The following EPHA5 variants were observed in gnomAD, a reference collection of about 807,000 sequenced individuals.
EPHA5 encodes the protein EPH receptor A5.
In EPHA5, 60 loss-of-function variants were observed where a neutral mutation model predicts 105.0. The observed-to-expected ratio is 0.57, with a 90% CI of 0.46 to 0.71. The LOEUF (loss-of-function observed/expected upper bound fraction) is 0.71, where lower values mean the gene tolerates loss of function less well. Ranked by LOEUF, EPHA5 falls within the 30% of genes least tolerant of loss-of-function variation. The probability of loss-of-function intolerance (pLI) is 0.00; values close to 1 mark genes in which losing one functional copy is unlikely to be tolerated. For synonymous variants in EPHA5, 513 were observed against 449.1 expected, an observed-to-expected ratio of 1.14 and a Z score of -1.80; for missense variants, 1,218 against 1,274.7, an observed-to-expected ratio of 0.96 and a Z score of 0.68.
chr4:65,476,424 C>A (rs909010094), intron 5 of EPHA5, among the ~76,000 whole-genome samples: 6 of 152,008 alleles, frequency 3.9e-5, no homozygotes, highest in Admixed American at 3.3e-4. Flanking sequence ...AAAATCATGT[C>A]TTTTGCAGCA....
chr4:65,537,252 A>G (rs1736376615), intron 3 of EPHA5, among the ~76,000 whole-genome samples: 1 of 151,878 alleles, frequency 6.6e-6, no homozygotes, highest in South Asian at 2.1e-4. Flanking sequence ...TTGGAACATT[A>G]TTGTCTTACA....
chr4:65,594,254 A>G (rs567303358), intron 3 of EPHA5, among the ~76,000 whole-genome samples: 1 of 152,296 alleles, frequency 6.6e-6, no homozygotes, highest in East Asian at 1.9e-4. Flanking sequence ...GAGCTTATCC[A>G]GTGCATCTTA....
At chr4:65,330,040 C>T (rs1363646594) in intron 16 of EPHA5, among the ~76,000 whole-genome samples, 1 of 151,378 alleles carries the variant, frequency 6.6e-6, no homozygotes, top group Non-Finnish European at 1.5e-5. Flanking sequence ...GAGTTATGAT[C>T]TGCTGGCCCA....
In EPHA5 at chr4:65,414,446, T is replaced by C. The variant is rs1177696063; in HGVS notation, c.1528-3A>G. 6.2e-7 allele frequency: 1 copy of C among 1,613,656 alleles called. No individual in the cohort carries two copies. The highest frequency in any genetic ancestry group is 1.3e-5 in the African/African-American group (1 of 74,898). Reference sequence around the variant, plus strand: ...ATCGTGTAGCTGGTCTCTTGGTCCTTGGGATGCGCATGCATATACAATAAA... The same window carrying C: ...ATCGTGTAGCTGGTCTCTTGGTCCTCGGGATGCGCATGCATATACAATAAA... On this transcript the variant is annotated splice_polypyrimidine_tract_variant and splice_region_variant and intron_variant, in intron 6 of 16. Transcript: ENST00000613740.
intron 5 of EPHA5, among the ~76,000 whole-genome samples, chr4:65,442,276 A>G (rs1726094551): frequency 6.6e-6 from 1 of 152,114 alleles, no homozygotes. Context: ...TAAGAAGAGG[A>G]AACCTTAAAG....
chr4:65,479,754 A>C (rs1173284021), intron 5 of EPHA5, among the ~76,000 whole-genome samples: 2 of 152,184 alleles, frequency 1.3e-5, no homozygotes, highest in Non-Finnish European at 2.9e-5. Context: ...GCCATAAGCA[A>C]CATGTATGGA....
At chr4:65,594,248 T>C (rs889220744) in intron 3 of EPHA5, among the ~76,000 whole-genome samples, 4 of 152,178 alleles carry the variant, frequency 2.6e-5, no homozygotes, top group African/African-American at 9.7e-5. Context: ...TAAAAGGAGC[T>C]TATCCAGTGC....
At chr4:65,541,274 G>A (rs962622012) in intron 3 of EPHA5, among the ~76,000 whole-genome samples, 1 of 151,536 alleles carries the variant, frequency 6.6e-6, no homozygotes, top group East Asian at 1.9e-4. Context: ...AATATAAATG[G>A]GCTAAATGCC....
At position 65,490,563 on chromosome 4, in the gene EPHA5, C is replaced by T. The variant is rs2149213502; in HGVS notation, c.1216G>A (p.Glu406Lys). 6.2e-7 allele frequency: 1 copy of T among 1,614,134 alleles called. No homozygotes were observed. The highest frequency in any genetic ancestry group is 8.5e-7 in the Non-Finnish European group (1 of 1,180,028). ...KKCNSHAGVC[E>K]ECGGHVRYLP... ...TACCTGACATGACCGCCACACTCCT[C>T]ACACACACCTGCATGGGAGTTGCAC... The change falls in exon 5 of 17, where the codon GAG (glutamate) becomes AAG (lysine). Residue 406 changes from glutamate to lysine, a missense_variant. Physicochemically the swap from Glu to Lys is moderately conservative, Grantham distance 56. Transcript: ENST00000613740.
intron 3 of EPHA5, among the ~76,000 whole-genome samples, chr4:65,504,401 A>C (rs970135280): frequency 4.6e-5 from 7 of 151,166 alleles, no homozygotes; most frequent in Non-Finnish European, 7.4e-5. Flanking sequence ...AAATTCACCA[A>C]ATAATCTAGG....
chr4:65,525,232 A>G lies in EPHA5; in HGVS notation c.911-29689T>C, dbSNP rs565578591. 2.0e-4 allele frequency among the ~76,000 whole-genome samples: 31 copies of G among 151,824 alleles called. No individual in the cohort carries two copies. In the East Asian group the frequency reaches 5.8e-3, roughly 28 times the overall value. On this transcript the variant is annotated intron_variant, in intron 3 of 16. Coordinates refer to ENST00000613740, the MANE Select transcript of EPHA5 (RefSeq NM_001281766.3). Reference sequence around the variant, plus strand: ...TATTAAAGGAGTGGCATTTGGCAGGAAATACTATAATTTATTTTTAAAGTT... The same window carrying G: ...TATTAAAGGAGTGGCATTTGGCAGGGAATACTATAATTTATTTTTAAAGTT...
intron 3 of EPHA5, chr4:65,573,487 A>T: frequency 6.3e-7 from 1 of 1,575,138 alleles, no homozygotes; most frequent in Non-Finnish European, 8.6e-7. Flanking sequence ...TAGAAGCCAG[A>T]TACTAAAGAG....
At chr4:65,400,909 A>G (rs1021147797) in intron 8 of EPHA5, among the ~76,000 whole-genome samples, 1 of 152,068 alleles carries the variant, frequency 6.6e-6, no homozygotes, top group African/African-American at 2.4e-5. Flanking sequence ...TATTTAACCA[A>G]TGATGAGTCT....
intron 8 of EPHA5, among the ~76,000 whole-genome samples, chr4:65,371,730 A>G (rs1187607725): frequency 6.6e-6 from 1 of 152,016 alleles, no homozygotes; most frequent in Non-Finnish European, 1.5e-5. Flanking sequence ...CAGAGTGTAA[A>G]TCCTTGCAAA....
chr4:65,364,883 A>C, intron 11 of EPHA5, 134 bp downstream of exon 11: 1 of 629,392 alleles, frequency 1.6e-6, no homozygotes, highest in Non-Finnish European at 2.4e-6. Flanking sequence ...AAAATCTACT[A>C]AAATACAGGA....
intron 1 of EPHA5, among the ~76,000 whole-genome samples, chr4:65,643,714 G>T (rs1747869837): frequency 6.6e-6 from 1 of 150,776 alleles, no homozygotes; most frequent in Non-Finnish European, 1.5e-5. Flanking sequence ...AAGCTAATAA[G>T]GAAAAAAAAA....
chr4:65,470,189 C>A (rs544570410), intron 5 of EPHA5, among the ~76,000 whole-genome samples: 1 of 147,012 alleles, frequency 6.8e-6, no homozygotes, highest in African/African-American at 2.6e-5. Context: ...CTTTTTCTTT[C>A]TTTGTTTTTT....
At chr4:65,575,698 G>A (rs992866500) in intron 3 of EPHA5, among the ~76,000 whole-genome samples, 4 of 152,086 alleles carry the variant, frequency 2.6e-5, no homozygotes, top group Non-Finnish European at 4.4e-5. Context: ...AAGGCTGCAC[G>A]TGGTGGCTCA....
intron 3 of EPHA5, among the ~76,000 whole-genome samples, chr4:65,531,396 G>A (rs10032173): frequency 0.87 from 132,668 of 152,010 alleles, 58,028 homozygotes; most frequent in Admixed American, 0.9. Flanking sequence ...GATGTTTGGT[G>A]ATCCAGAAGT....
Sources: gnomAD v4.1 joint callset for allele counts (sites outside exome capture counted in the v4.1 genomes callset) on GRCh38, gnomAD v4.1.1 for gene constraint, MANE v1.5 for transcripts, NCBI Gene and HGNC (gene_info 2026-07-23, HGNC 2026-07-21) for gene names.